The following LINGO2 variants were observed in gnomAD, a reference collection of about 807,000 sequenced individuals.
LINGO2 encodes leucine-rich repeat and immunoglobulin-like domain-containing nogo receptor-interacting protein 2.
A neutral mutation model predicts 30.6 loss-of-function variants in LINGO2; 14 were observed. The observed-to-expected ratio is 0.46, with a 90% CI of 0.30 to 0.72. The LOEUF (loss-of-function observed/expected upper bound fraction) is 0.72. Among genes scored for constraint, LINGO2 ranks in the 30% least tolerant of loss-of-function variants. The pLI, the probability that LINGO2 is intolerant of heterozygous loss-of-function variation, is 0.07. For synonymous variants in LINGO2, 317 were observed against 288.5 expected (o/e 1.10, Z -1.00); for missense variants, 729 against 751.7 (o/e 0.97, Z 0.35).
chr9:28,451,877 C>G (rs756043301), intron 2 of LINGO2, among the ~76,000 whole-genome samples: 3 of 151,324 alleles, frequency 2.0e-5, no homozygotes, highest in Non-Finnish European at 3.0e-5. Flanking sequence ...TAATAATGAT[C>G]AACATGAAGT....
At chr9:29,101,056 C>A in the LINGO2 span, among the ~76,000 whole-genome samples, 1 of 152,128 alleles carries the variant, frequency 6.6e-6, no homozygotes, top group Admixed American at 6.5e-5. Context: ...TACCATTCTT[C>A]CTAATAGAGT....
chr9:29,135,924 T>C, the LINGO2 span, among the ~76,000 whole-genome samples: 2 of 152,148 alleles, frequency 1.3e-5, no homozygotes, highest in Non-Finnish European at 2.9e-5. Context: ...GTCGTCAAGG[T>C]TCATCCATAT....
intron 1 of LINGO2, among the ~76,000 whole-genome samples, chr9:28,607,463 A>G (rs796238586): frequency 2.6e-5 from 4 of 152,168 alleles, no homozygotes; most frequent in African/African-American, 9.6e-5. Context: ...CACTAACTTG[A>G]GCAAAATAGT....
the LINGO2 span, among the ~76,000 whole-genome samples, chr9:28,733,785 A>C: frequency 2.0e-5 from 3 of 152,190 alleles, no homozygotes; most frequent in East Asian, 1.9e-4. Flanking sequence ...AGGTGAACAC[A>C]CCTGTATTTC....
intron 4 of LINGO2, among the ~76,000 whole-genome samples, chr9:28,131,002 C>T (rs141266196): frequency 9.2e-5 from 14 of 152,152 alleles, no homozygotes; most frequent in African/African-American, 2.9e-4. Flanking sequence ...TCTGCCTTTA[C>T]TTATGTTTCT....
the LINGO2 span, among the ~76,000 whole-genome samples, chr9:28,743,121 C>G: frequency 6.6e-6 from 1 of 152,054 alleles, no homozygotes; most frequent in South Asian, 2.1e-4. Context: ...GCAATGGATT[C>G]TAACAGTTGT....
intron 5 of LINGO2, among the ~76,000 whole-genome samples, chr9:27,957,575 G>C (rs761713688): frequency 6.6e-6 from 1 of 152,154 alleles, no homozygotes; most frequent in Non-Finnish European, 1.5e-5. Flanking sequence ...TTACAGGCGT[G>C]AGCCACCGCA....
At chr9:29,200,277 G>A in the LINGO2 span, among the ~76,000 whole-genome samples, 145 of 152,076 alleles carry the variant, frequency 9.5e-4, 5 homozygotes, top group East Asian at 0.02. Flanking sequence ...GACGAAAAAC[G>A]TAATGTATTT....
chr9:28,075,435 A>C (rs2133193619), intron 4 of LINGO2, among the ~76,000 whole-genome samples: 1 of 152,024 alleles, frequency 6.6e-6, no homozygotes, highest in African/African-American at 2.4e-5. Context: ...TATGTGAAGG[A>C]CTTTTCCTAG....
the LINGO2 span, among the ~76,000 whole-genome samples, chr9:28,809,385 C>A: frequency 1.3e-5 from 2 of 152,226 alleles, no homozygotes; most frequent in African/African-American, 4.8e-5. Flanking sequence ...TAGCCCTTGG[C>A]AAGTTTCCCT....
At chr9:29,092,350 C>T in the LINGO2 span, among the ~76,000 whole-genome samples, 1 of 151,812 alleles carries the variant, frequency 6.6e-6, no homozygotes, top group African/African-American at 2.4e-5. Context: ...CAAAGGCCAT[C>T]GTATCCCCAA....
chr9:28,667,059 A>C (rs1334649926), intron 1 of LINGO2, among the ~76,000 whole-genome samples: 1 of 152,180 alleles, frequency 6.6e-6, no homozygotes, highest in African/African-American at 2.4e-5. Context: ...ATAGAATAAT[A>C]AAAAAGATGT....
chr9:28,375,561 T>C (rs1272417075), intron 2 of LINGO2, among the ~76,000 whole-genome samples: 1 of 152,166 alleles, frequency 6.6e-6, no homozygotes, highest in Non-Finnish European at 1.5e-5. Flanking sequence ...GATCCACTTG[T>C]CCTGGTACGC....
At chr9:29,102,584 C>T in the LINGO2 span, among the ~76,000 whole-genome samples, 1 of 152,054 alleles carries the variant, frequency 6.6e-6, no homozygotes, top group Non-Finnish European at 1.5e-5. Flanking sequence ...ATTGAAAGTT[C>T]CTCAAAGTGT....
chr9:28,397,280 A>G (rs923685265), intron 2 of LINGO2, among the ~76,000 whole-genome samples: 3 of 151,462 alleles, frequency 2.0e-5, no homozygotes, highest in African/African-American at 4.8e-5. Flanking sequence ...ATAAAAATAA[A>G]AACTATTTTT....
At chr9:28,779,411 G>A in the LINGO2 span, among the ~76,000 whole-genome samples, 7 of 152,080 alleles carry the variant, frequency 4.6e-5, no homozygotes, top group African/African-American at 1.7e-4. Flanking sequence ...TCTTGACACA[G>A]TTCAGATTGC....
intron 4 of LINGO2, among the ~76,000 whole-genome samples, chr9:28,062,099 A>G (rs10968321): frequency 0.099 from 14,990 of 152,086 alleles, 987 homozygotes; most frequent in East Asian, 0.29. Context: ...CAGATATTTC[A>G]GCACCACAGA....
At chr9:27,994,220 C>A (rs1821541943) in intron 5 of LINGO2, among the ~76,000 whole-genome samples, 1 of 151,468 alleles carries the variant, frequency 6.6e-6, no homozygotes, top group African/African-American at 2.4e-5. Flanking sequence ...GATAAACATC[C>A]CAAAAATGGA....
chr9:28,345,629 G>A (rs1819536043), intron 3 of LINGO2, among the ~76,000 whole-genome samples: 1 of 152,124 alleles, frequency 6.6e-6, no homozygotes, highest in South Asian at 2.1e-4. Context: ...GACTTCAGAA[G>A]GAAAACAAGT....
Sources: gnomAD v4.1 joint callset for allele counts (sites outside exome capture counted in the v4.1 genomes callset) on GRCh38, gnomAD v4.1.1 for gene constraint, MANE v1.5 for transcripts, NCBI Gene and HGNC (gene_info 2026-07-23, HGNC 2026-07-21) for gene names.